BNC2: variants seen among roughly 807,000 people sequenced by gnomAD.
BNC2 encodes the protein zinc finger protein basonuclin-2.
A neutral mutation model predicts 76.3 loss-of-function variants in BNC2; 20 were observed. That is an observed-to-expected ratio of 0.26 (90% confidence interval 0.18 to 0.38). BNC2 has a LOEUF of 0.38. Among genes scored for constraint, BNC2 ranks in the 10% least tolerant of loss-of-function variants. BNC2 has a pLI of 1.00. For synonymous variants in BNC2, 582 were observed against 514.8 expected, an observed-to-expected ratio of 1.13 and a Z score of -1.77; for missense variants, 1,382 against 1,399.8, an observed-to-expected ratio of 0.99 and a Z score of 0.20.
At chr9:16,754,483 C>G in intron 1 of BNC2, among the ~76,000 whole-genome samples, 1 of 152,146 alleles carries the variant, frequency 6.6e-6, no homozygotes, top group Non-Finnish European at 1.5e-5. Context: ...CTTGTAAATA[C>G]AAATGGGAGG....
At chr9:16,650,905 G>A (rs1043042418) in intron 3 of BNC2, among the ~76,000 whole-genome samples, 3 of 152,178 alleles carry the variant, frequency 2.0e-5, no homozygotes, top group African/African-American at 4.8e-5. Context: ...TGTGCTATAC[G>A]TAATGCAAAA....
intron 3 of BNC2, among the ~76,000 whole-genome samples, chr9:16,587,098 A>G (rs1172004634): frequency 6.6e-6 from 1 of 152,194 alleles, no homozygotes; most frequent in Admixed American, 6.5e-5. Context: ...CACAGAGGAA[A>G]CTAAGGTAGA....
chr9:16,504,063 A>G (rs1030381747), intron 5 of BNC2, among the ~76,000 whole-genome samples: 2 of 152,250 alleles, frequency 1.3e-5, no homozygotes, highest in African/African-American at 4.8e-5. Flanking sequence ...CCATATGGCA[A>G]ATTTAAGCAA....
At chr9:16,806,083 A>AG (rs1416082242) in intron 1 of BNC2, among the ~76,000 whole-genome samples, 1 of 152,240 alleles carries the variant, frequency 6.6e-6, no homozygotes, top group Non-Finnish European at 1.5e-5. Context: ...ATGATTTAAA[A>AG]GGGGAGAATA....
rs1821044185 is a variant in BNC2 at position 16,437,528 on chromosome 9, G to C, written c.670-4C>G. The C allele has an allele frequency of 5.6e-6, 9 of 1,611,256 alleles. No individual in the cohort carries two copies. Among genetic ancestry groups the C allele is most frequent in the Non-Finnish European group, 7.6e-6 (9 of 1,179,966 alleles). On this transcript the variant is annotated splice_polypyrimidine_tract_variant and splice_region_variant and intron_variant, in intron 5 of 6. Coordinates refer to ENST00000380672, the MANE Select transcript of BNC2 (RefSeq NM_017637.6). ...CCAGCACCTTGCCAGCAGCATCCTA[G>C]AGGCCACATCAAAGAAACAACAAAG...
intron 1 of BNC2, among the ~76,000 whole-genome samples, chr9:16,793,131 C>T (rs1055190557): frequency 6.6e-6 from 1 of 152,198 alleles, no homozygotes; most frequent in African/African-American, 2.4e-5. Flanking sequence ...TCAACAAAGT[C>T]AGACACCAAA....
At chr9:16,566,341 A>G (rs1009198263) in intron 4 of BNC2, among the ~76,000 whole-genome samples, 4 of 152,186 alleles carry the variant, frequency 2.6e-5, no homozygotes, top group African/African-American at 9.7e-5. Flanking sequence ...GAAGGGGTAA[A>G]TGTATGATTC....
intron 3 of BNC2, among the ~76,000 whole-genome samples, chr9:16,719,034 G>T (rs558137955): frequency 6.6e-6 from 1 of 152,096 alleles, no homozygotes; most frequent in Admixed American, 6.5e-5. Flanking sequence ...ACCTAAAAAA[G>T]AAAGAATAAA....
chr9:16,759,772 A>G (rs1825498716), intron 1 of BNC2, among the ~76,000 whole-genome samples: 1 of 148,720 alleles, frequency 6.7e-6, no homozygotes, highest in Non-Finnish European at 1.5e-5. Flanking sequence ...CGCCCTGACT[A>G]GAGTGTAGTG....
intron 5 of BNC2, among the ~76,000 whole-genome samples, chr9:16,524,864 A>G (rs991352036): frequency 6.6e-6 from 1 of 152,190 alleles, no homozygotes; most frequent in Middle Eastern, 3.2e-3. Context: ...ATTTGAGGCC[A>G]GGAGTTCAAG....
At chr9:16,653,242 G>A (rs1365421446) in intron 3 of BNC2, among the ~76,000 whole-genome samples, 1 of 152,082 alleles carries the variant, frequency 6.6e-6, no homozygotes, top group African/African-American at 2.4e-5. Flanking sequence ...TCAATTAAGT[G>A]TGACAGTTGA....
intron 4 of BNC2, among the ~76,000 whole-genome samples, chr9:16,571,841 A>T (rs1277771342): frequency 2.6e-5 from 4 of 152,184 alleles, no homozygotes; most frequent in African/African-American, 7.2e-5. Flanking sequence ...GCAGACAAGA[A>T]CATAATAAAA....
intron 3 of BNC2, among the ~76,000 whole-genome samples, chr9:16,726,332 A>C (rs369732103): frequency 3.9e-5 from 6 of 152,322 alleles, no homozygotes; most frequent in African/African-American, 1.4e-4. Flanking sequence ...GGATATGTCA[A>C]AATATACCTT....
intron 5 of BNC2, among the ~76,000 whole-genome samples, chr9:16,529,430 T>C (rs1817911007): frequency 6.6e-6 from 1 of 152,218 alleles, no homozygotes; most frequent in South Asian, 2.1e-4. Flanking sequence ...AAAGGGGCTA[T>C]GGACAGTTTT....
intron 1 of BNC2, among the ~76,000 whole-genome samples, chr9:16,832,619 C>T (rs142749226): frequency 0.011 from 1,615 of 152,254 alleles, 24 homozygotes; most frequent in Non-Finnish European, 0.017. Flanking sequence ...ACATACAGCA[C>T]GTTAATTCCC....
intron 3 of BNC2, among the ~76,000 whole-genome samples, chr9:16,640,801 C>T (rs912607434): frequency 6.6e-6 from 1 of 152,178 alleles, no homozygotes; most frequent in Non-Finnish European, 1.5e-5. Context: ...AACTGGGCAT[C>T]AGAACAGCTG....
intron 5 of BNC2, among the ~76,000 whole-genome samples, chr9:16,503,074 C>T (rs1051866750): frequency 9.9e-5 from 15 of 152,122 alleles, no homozygotes; most frequent in African/African-American, 3.1e-4. Context: ...TAAATTTTCA[C>T]ATGAAGAAGA....
At chr9:16,839,700 A>C (rs137961438) in intron 1 of BNC2, among the ~76,000 whole-genome samples, 78 of 152,354 alleles carry the variant, frequency 5.1e-4, no homozygotes, top group African/African-American at 1.6e-3. Context: ...TCCCAAAACT[A>C]GAAGTACACT....
intron 3 of BNC2, among the ~76,000 whole-genome samples, chr9:16,612,625 A>C (rs1335708851): frequency 6.6e-6 from 1 of 152,216 alleles, no homozygotes; most frequent in African/African-American, 2.4e-5. Flanking sequence ...CTGACATGTA[A>C]ACATAAATAT....
Sources: gnomAD v4.1 joint callset for allele counts (sites outside exome capture counted in the v4.1 genomes callset) on GRCh38, gnomAD v4.1.1 for gene constraint, MANE v1.5 for transcripts, NCBI Gene and HGNC (gene_info 2026-07-23, HGNC 2026-07-21) for gene names.